FAM184A: variants seen among roughly 807,000 people sequenced by gnomAD.
The protein encoded by FAM184A is family with sequence similarity 184 member A, also known as protein FAM184A.
Under a neutral mutation model 143.8 loss-of-function variants are expected in FAM184A, and 99 were observed. The observed-to-expected ratio is 0.69, with a 90% CI of 0.58 to 0.81. FAM184A has a LOEUF of 0.81. FAM184A is among the 40% of genes least tolerant of loss of function. The pLI is 0.00. For synonymous variants in FAM184A, 427 were observed against 446.4 expected (o/e 0.96, Z 0.55); for missense variants, 1,217 against 1,310.5 (o/e 0.93, Z 1.10).
At chr6:119,066,690 C>G (rs1582578177) in intron 1 of FAM184A, among the ~76,000 whole-genome samples, 1 of 152,254 alleles carries the variant, frequency 6.6e-6, no homozygotes, top group East Asian at 1.9e-4. Context: ...GTTATTTATT[C>G]CAGGACAGTT....
At chr6:119,099,476 G>A (rs912649068) in intron 1 of FAM184A, among the ~76,000 whole-genome samples, 2 of 152,120 alleles carry the variant, frequency 1.3e-5, no homozygotes, top group Non-Finnish European at 2.9e-5. Context: ...AGACCCCTAA[G>A]AGGAGTCCCT....
chr6:119,051,781 C>T (rs1279033525), intron 1 of FAM184A, among the ~76,000 whole-genome samples: 1 of 151,972 alleles, frequency 6.6e-6, no homozygotes, highest in Non-Finnish European at 1.5e-5. Context: ...CTTGTCTGAT[C>T]GCAGGACTCA....
At chr6:118,962,340 C>A in intron 16 of FAM184A, 1 of 171,434 alleles carries the variant, frequency 5.8e-6, no homozygotes, top group Admixed American at 5.7e-5. Flanking sequence ...TGGATTTAGG[C>A]TAAAATTAGG....
intron 1 of FAM184A, among the ~76,000 whole-genome samples, chr6:119,100,629 G>A (rs1469461282): frequency 1.4e-5 from 2 of 145,894 alleles, no homozygotes; most frequent in Admixed American, 6.6e-5. Context: ...TTACCTCTCT[G>A]TACTGACCCA....
chr6:119,034,041 T>TATATAGAGAG (rs1409214932), intron 1 of FAM184A, among the ~76,000 whole-genome samples: 4 of 42,004 alleles, frequency 9.5e-5, no homozygotes, highest in African/African-American at 4.2e-4. Flanking sequence ...TATATATATA[T>TATATAGAGAG]AGAGAGAGAG....
intron 16 of FAM184A, chr6:118,962,281 G>A: frequency 7.1e-6 from 2 of 283,440 alleles, no homozygotes; most frequent in African/African-American, 2.2e-5. Flanking sequence ...GGGAAGAAAA[G>A]GGAAAAAGGA....
chr6:119,106,167 C>A (rs761271588), intron 1 of FAM184A, among the ~76,000 whole-genome samples: 1 of 152,050 alleles, frequency 6.6e-6, no homozygotes, highest in South Asian at 2.1e-4. Context: ...CCGAGGCGGG[C>A]GGATCACAAG....
chr6:119,017,545 C>T (rs922396786), intron 4 of FAM184A, among the ~76,000 whole-genome samples: 3 of 151,022 alleles, frequency 2.0e-5, no homozygotes, highest in Admixed American at 6.6e-5. Context: ...CAAAATAGTA[C>T]ACAAAATGGC....
intron 1 of FAM184A, among the ~76,000 whole-genome samples, chr6:119,067,516 C>T (rs1562136165): frequency 6.6e-6 from 1 of 152,156 alleles, no homozygotes; most frequent in Non-Finnish European, 1.5e-5. Context: ...TCAAGGTGTG[C>T]TAAATAACCT....
chr6:119,073,996 G>A (rs1306190280), intron 1 of FAM184A, among the ~76,000 whole-genome samples: 1 of 152,194 alleles, frequency 6.6e-6, no homozygotes, highest in Admixed American at 6.5e-5. Context: ...GCTCCAAGAG[G>A]CTGAGGAAGG....
At chr6:119,062,729 T>G (rs1294127825) in intron 1 of FAM184A, among the ~76,000 whole-genome samples, 1 of 152,072 alleles carries the variant, frequency 6.6e-6, no homozygotes, top group Non-Finnish European at 1.5e-5. Flanking sequence ...CAGTTGCACT[T>G]GGTAGGAGAA....
At chr6:119,101,614 T>C (rs966738034) in intron 1 of FAM184A, among the ~76,000 whole-genome samples, 1 of 152,216 alleles carries the variant, frequency 6.6e-6, no homozygotes, top group African/African-American at 2.4e-5. Flanking sequence ...AGTGTGGGCA[T>C]GGGATGTAAC....
chr6:118,960,780 A>G (rs1380014823), intron 17 of FAM184A: 6 of 1,364,672 alleles, frequency 4.4e-6, no homozygotes, highest in Non-Finnish European at 5.9e-6. Context: ...GTCTTTGGGG[A>G]AAATTACAAG....
chr6:119,047,038 A>G (rs1341623317), intron 1 of FAM184A, among the ~76,000 whole-genome samples: 1 of 119,158 alleles, frequency 8.4e-6, no homozygotes, highest in East Asian at 2.6e-4. Context: ...CAGGAAAAAA[A>G]TCTAATAATC....
chr6:119,054,490 G>C (rs1786885967), intron 1 of FAM184A, among the ~76,000 whole-genome samples: 1 of 152,212 alleles, frequency 6.6e-6, no homozygotes, highest in African/African-American at 2.4e-5. Context: ...CTTTTATAAG[G>C]GAAGTAATCC....
intron 1 of FAM184A, among the ~76,000 whole-genome samples, chr6:119,038,681 T>C (rs1193568020): frequency 6.6e-6 from 1 of 152,246 alleles, no homozygotes; most frequent in Non-Finnish European, 1.5e-5. Context: ...AGGGCTGCTC[T>C]GTCTATGGAG....
chr6:119,019,355 T>C (rs1785368289), intron 4 of FAM184A, among the ~76,000 whole-genome samples: 1 of 152,216 alleles, frequency 6.6e-6, no homozygotes, highest in Non-Finnish European at 1.5e-5. Context: ...TTCTGTGGAC[T>C]GATGGTCAGA....
At chr6:119,137,217 G>A (rs1291623208) in intron 1 of FAM184A, among the ~76,000 whole-genome samples, 1 of 152,142 alleles carries the variant, frequency 6.6e-6, no homozygotes, top group Non-Finnish European at 1.5e-5. Flanking sequence ...TTCTTGGCTT[G>A]CAGAGAGCTG....
At chr6:119,002,336 T>C (rs1038561457) in intron 9 of FAM184A, among the ~76,000 whole-genome samples, 5 of 152,174 alleles carry the variant, frequency 3.3e-5, no homozygotes, top group African/African-American at 1.2e-4. Context: ...AGTGAAAATG[T>C]GCAAATTCTT....
Sources: allele counts gnomAD v4.1 joint callset (sites outside exome capture counted in the v4.1 genomes callset), GRCh38; gene constraint gnomAD v4.1.1; transcripts MANE v1.5; gene names NCBI Gene and HGNC (gene_info 2026-07-23, HGNC 2026-07-21).